The following SAMD3 variants were observed in gnomAD, a reference collection of about 807,000 sequenced individuals.
SAMD3 encodes sterile alpha motif domain containing 3, also known as sterile alpha motif domain-containing protein 3.
In SAMD3, 63 loss-of-function variants were observed where a neutral mutation model predicts 58.5. That is an observed-to-expected ratio of 1.08 (90% CI 0.88 to 1.33). SAMD3 has a LOEUF of 1.33. Among genes scored for constraint, SAMD3 ranks in the 40% most tolerant of loss-of-function variants. SAMD3 has a pLI of 0.00. For synonymous variants in SAMD3, 220 were observed against 210.3 expected (o/e 1.05, Z -0.40); for missense variants, 604 against 608.4 (o/e 0.99, Z 0.08).
downstream of SAMD3, among the ~76,000 whole-genome samples, chr6:130,143,437 T>G (rs1788376889): frequency 6.6e-6 from 1 of 152,134 alleles, no homozygotes; most frequent in African/African-American, 2.4e-5. Flanking sequence ...AGAGACAGCG[T>G]TTCACATTAT....
chr6:130,358,755 ACACAC>A (rs1777905147), intron 1 of SAMD3, among the ~76,000 whole-genome samples: 1 of 150,734 alleles, frequency 6.6e-6, no homozygotes, highest in South Asian at 2.1e-4. Flanking sequence ...ACACACACAC[ACACAC>A]ATTTTAACAA....
At chr6:130,203,326 C>T (rs1582910213) in intron 5 of SAMD3, among the ~76,000 whole-genome samples, 1 of 152,130 alleles carries the variant, frequency 6.6e-6, no homozygotes, top group South Asian at 2.1e-4. Context: ...AAAGTGAGAC[C>T]TAGTAAGGTT....
intron 2 of SAMD3, among the ~76,000 whole-genome samples, chr6:130,284,787 G>A (rs558409295): frequency 9.2e-5 from 14 of 152,248 alleles, no homozygotes; most frequent in Non-Finnish European, 1.8e-4. Flanking sequence ...TGGTTACTAC[G>A]CGTTGATAAA....
intron 1 of SAMD3, among the ~76,000 whole-genome samples, chr6:130,334,004 C>T (rs1777025535): frequency 6.6e-6 from 1 of 152,212 alleles, no homozygotes; most frequent in Admixed American, 6.5e-5. Flanking sequence ...AAATACCATT[C>T]TTTTTCTTCT....
At chr6:130,206,977 C>T (rs1795138139) in intron 5 of SAMD3, among the ~76,000 whole-genome samples, 3 of 152,094 alleles carry the variant, frequency 2.0e-5, no homozygotes, top group South Asian at 4.2e-4. Flanking sequence ...AACTAGATCT[C>T]ATTTCTACAA....
chr6:130,330,249 A>C lies in SAMD3; in HGVS notation c.-303-17156T>G, dbSNP rs2115011611. 2.0e-5 allele frequency among the ~76,000 whole-genome samples: 3 copies of C among 152,280 alleles called. No homozygotes were observed. The Middle Eastern group carries it at 0.01, about 518-fold the overall frequency. On this transcript the variant is annotated intron_variant, in intron 1 of 13. Transcript: ENST00000368134. Reference sequence around the variant, plus strand: ...AAATTTGAGGTGGATAACAAAGGGCACTTGTACGTAATAGAGGGCATCCTA... The same window carrying C: ...AAATTTGAGGTGGATAACAAAGGGCCCTTGTACGTAATAGAGGGCATCCTA...
At chr6:130,330,810 A>T (rs982592572) in intron 1 of SAMD3, among the ~76,000 whole-genome samples, 1 of 152,198 alleles carries the variant, frequency 6.6e-6, no homozygotes, top group African/African-American at 2.4e-5. Flanking sequence ...TGGAAGAATT[A>T]GGAAAAGAAA....
chr6:130,181,957 C>A (rs898300246), intron 7 of SAMD3, among the ~76,000 whole-genome samples: 1 of 150,954 alleles, frequency 6.6e-6, no homozygotes, highest in Admixed American at 6.7e-5. Context: ...CCCAGCTACT[C>A]GGGAGGCTGA....
chr6:130,161,430 T>C (rs562421668), intron 8 of SAMD3: 1 of 152,212 alleles, frequency 6.6e-6, no homozygotes, highest in Non-Finnish European at 1.5e-5. Flanking sequence ...TATAATGTAC[T>C]ACTTCCTCCA....
At chr6:130,158,144 G>C (rs1660459902) in intron 8 of SAMD3, among the ~76,000 whole-genome samples, 1 of 152,148 alleles carries the variant, frequency 6.6e-6, no homozygotes, top group East Asian at 1.9e-4. Context: ...TAGAGCTGCT[G>C]ATTCAATATT....
chr6:130,293,392 T>G (rs893851269), intron 2 of SAMD3, among the ~76,000 whole-genome samples: 3 of 152,202 alleles, frequency 2.0e-5, no homozygotes, highest in African/African-American at 7.2e-5. Flanking sequence ...CACAACATTC[T>G]GGTCCCCTCA....
intron 1 of SAMD3, among the ~76,000 whole-genome samples, chr6:130,353,259 A>G (rs1382659431): frequency 3.3e-5 from 5 of 152,176 alleles, no homozygotes; most frequent in Admixed American, 6.6e-5. Flanking sequence ...GAGTTGTTTA[A>G]TATGTTTGCA....
At chr6:130,346,494 C>T (rs994959025) in intron 1 of SAMD3, among the ~76,000 whole-genome samples, 1 of 152,208 alleles carries the variant, frequency 6.6e-6, no homozygotes, top group East Asian at 1.9e-4. Flanking sequence ...AGTCTGACAT[C>T]AAACTGCAAG....
At chr6:130,277,957 A>T (rs145045722) in intron 2 of SAMD3, among the ~76,000 whole-genome samples, 3 of 152,110 alleles carry the variant, frequency 2.0e-5, no homozygotes, top group Non-Finnish European at 4.4e-5. Context: ...TGGGGACTAG[A>T]TTGCCTTTGT....
At chr6:130,196,283 C>A (rs1794102487) in intron 5 of SAMD3, among the ~76,000 whole-genome samples, 1 of 152,152 alleles carries the variant, frequency 6.6e-6, no homozygotes. Context: ...CTTCCTCATA[C>A]CTGATTCATA....
intron 9 of SAMD3, 121 bp downstream of exon 9, chr6:130,154,704 A>G (rs1789584081): frequency 2.8e-5 from 1 of 35,942 alleles, no homozygotes; most frequent in Non-Finnish European, 5.9e-5. Flanking sequence ...TGAAAAAAAA[A>G]AAAAAAAAAA....
intron 9 of SAMD3, among the ~76,000 whole-genome samples, chr6:130,150,592 A>T (rs1789066328): frequency 6.6e-6 from 1 of 152,116 alleles, no homozygotes; most frequent in Non-Finnish European, 1.5e-5. Flanking sequence ...GTTTGTCCTT[A>T]GTCCTAGCTA....
chr6:130,250,987 C>T (rs9492507), intron 2 of SAMD3, among the ~76,000 whole-genome samples: 8,174 of 152,084 alleles, frequency 0.054, 285 homozygotes, highest in African/African-American at 0.11. Flanking sequence ...ATATGATAAC[C>T]CTGTTTCATC....
intron 9 of SAMD3, among the ~76,000 whole-genome samples, chr6:130,150,098 CAT>C (rs34779406): frequency 0.05 from 7,596 of 151,540 alleles, 229 homozygotes; most frequent in Non-Finnish European, 0.074. Flanking sequence ...CAATTTGGTT[CAT>C]GTGTGTGTGT....
Sources: gnomAD v4.1 joint callset for allele counts (sites outside exome capture counted in the v4.1 genomes callset) on GRCh38, gnomAD v4.1.1 for gene constraint, MANE v1.5 for transcripts, NCBI Gene and HGNC (gene_info 2026-07-23, HGNC 2026-07-21) for gene names.